ANKS1B: variants seen among roughly 807,000 people sequenced by gnomAD.
ANKS1B encodes the protein ankyrin repeat and sterile alpha motif domain-containing protein 1B.
Under a neutral mutation model 148.3 loss-of-function variants are expected in ANKS1B, and 36 were observed. The observed-to-expected ratio is 0.24, with a 90% CI of 0.19 to 0.32. The LOEUF is 0.32. Among genes scored for constraint, ANKS1B ranks in the 10% least tolerant of loss-of-function variants. ANKS1B has a pLI of 1.00. For synonymous variants in ANKS1B, 542 were observed against 560.8 expected, an observed-to-expected ratio of 0.97 and a Z score of 0.47; for missense variants, 1,157 against 1,542.6, an observed-to-expected ratio of 0.75 and a Z score of 4.19.
chr12:98,874,843 C>A lies in ANKS1B; in HGVS notation c.2779-42707G>T, dbSNP rs140139361. ...AGCTCCTTGTAATAAACTTGAACTGCAATACAGATATAAAATAAGAGATCT... is the reference window on the plus strand; with the variant it reads ...AGCTCCTTGTAATAAACTTGAACTGAAATACAGATATAAAATAAGAGATCT... On this transcript the variant is annotated intron_variant, in intron 17 of 26. Transcript: ENST00000683438. 2.0e-5 allele frequency among the ~76,000 whole-genome samples: 3 copies of A among 152,188 alleles called. No homozygotes were observed. In the East Asian group the frequency reaches 5.8e-4, roughly 29 times the overall value.
chr12:98,760,614 G>C (rs2098384036), intron 25 of ANKS1B, among the ~76,000 whole-genome samples: 1 of 152,172 alleles, frequency 6.6e-6, no homozygotes, highest in South Asian at 2.1e-4. Context: ...CTATGTGCCA[G>C]GAAGCTGCCC....
At chr12:99,188,509 T>A (rs1253007641) in intron 14 of ANKS1B, among the ~76,000 whole-genome samples, 3 of 152,158 alleles carry the variant, frequency 2.0e-5, no homozygotes, top group African/African-American at 7.2e-5. Flanking sequence ...CAGACCACAG[T>A]GCAATCAAAT....
intron 17 of ANKS1B, chr12:98,894,854 G>A (rs990603597): frequency 3.5e-5 from 34 of 980,418 alleles, no homozygotes; most frequent in African/African-American, 8.8e-5. Flanking sequence ...CGAGCGCCGG[G>A]CTCTCCCCGC....
chr12:99,183,306 A>C (rs2079361994), intron 14 of ANKS1B, among the ~76,000 whole-genome samples: 1 of 152,190 alleles, frequency 6.6e-6, no homozygotes, highest in Admixed American at 6.6e-5. Context: ...CGTTTCCCAA[A>C]GTTTTAGAAA....
intron 17 of ANKS1B, among the ~76,000 whole-genome samples, chr12:99,052,032 C>G (rs1422104757): frequency 1.3e-5 from 2 of 152,162 alleles, no homozygotes; most frequent in Non-Finnish European, 2.9e-5. Flanking sequence ...CAATCATTTA[C>G]TATAAAACTA....
chr12:99,155,282 A>G (rs2153824618), intron 14 of ANKS1B, among the ~76,000 whole-genome samples: 1 of 152,240 alleles, frequency 6.6e-6, no homozygotes, highest in Admixed American at 6.5e-5. Flanking sequence ...TTGGAGAATA[A>G]TTATTCTGTT....
chr12:99,316,884 A>G (rs1291818910), intron 12 of ANKS1B, among the ~76,000 whole-genome samples: 1 of 152,216 alleles, frequency 6.6e-6, no homozygotes, highest in Non-Finnish European at 1.5e-5. Flanking sequence ...AGCTTTCTAC[A>G]TGTGGCTAGC....
At chr12:99,078,393 T>G (rs2048530028) in intron 16 of ANKS1B, among the ~76,000 whole-genome samples, 3 of 152,212 alleles carry the variant, frequency 2.0e-5, no homozygotes, top group Admixed American at 2.0e-4. Context: ...GATTACTGAT[T>G]TGTGTATATC....
intron 8 of ANKS1B, among the ~76,000 whole-genome samples, chr12:99,702,538 G>T (rs916525942): frequency 6.6e-6 from 1 of 151,818 alleles, no homozygotes; most frequent in Admixed American, 6.6e-5. Flanking sequence ...AGAAGGTTTT[G>T]TTTGATTGCC....
At chr12:99,773,438 G>T (rs1036738623) in intron 7 of ANKS1B, among the ~76,000 whole-genome samples, 1 of 152,026 alleles carries the variant, frequency 6.6e-6, no homozygotes, top group Non-Finnish European at 1.5e-5. Context: ...TTCACTGACA[G>T]AATTCATTAG....
In ANKS1B at chr12:99,891,365, T is replaced by C. The variant is rs142531698; in HGVS notation, c.135-65976A>G. ...TTGTGTGTGTGCAGTGTGTACTATA[T>C]AGAGGTTGTTTATATCTCATTGTGA... On this transcript the variant is annotated intron_variant, in intron 1 of 26. Transcript: ENST00000683438. Among the ~76,000 whole-genome samples, 900 of 152,234 alleles carry C rather than the reference T, an allele frequency of 5.9e-3. 5 individuals are homozygous for C. Among genetic ancestry groups the C allele is most frequent in the Non-Finnish European group, 7.2e-3 (490 of 68,016 alleles).
At chr12:99,386,634 T>C (rs1255403588) in intron 12 of ANKS1B, among the ~76,000 whole-genome samples, 1 of 152,232 alleles carries the variant, frequency 6.6e-6, no homozygotes, top group Admixed American at 6.5e-5. Flanking sequence ...CATTATTAGA[T>C]ACATGGCTTT....
At chr12:98,809,241 C>G (rs2099075129) in intron 19 of ANKS1B, among the ~76,000 whole-genome samples, 2 of 152,184 alleles carry the variant, frequency 1.3e-5, no homozygotes, top group Admixed American at 1.3e-4. Context: ...CTATTTTATA[C>G]ATCCATAGAG....
At chr12:99,945,482 TG>T (rs1472879136) in intron 1 of ANKS1B, among the ~76,000 whole-genome samples, 1 of 152,160 alleles carries the variant, frequency 6.6e-6, no homozygotes, top group Non-Finnish European at 1.5e-5. Flanking sequence ...TAGTAGTAGA[TG>T]ATCCTTGAAA....
chr12:99,946,150 C>T (rs1227582078), intron 1 of ANKS1B, among the ~76,000 whole-genome samples: 2 of 151,968 alleles, frequency 1.3e-5, no homozygotes, highest in Non-Finnish European at 2.9e-5. Context: ...TTTAAAAAGA[C>T]CAGAAAGAGT....
At chr12:98,818,133 C>A (rs1041136850) in intron 19 of ANKS1B, among the ~76,000 whole-genome samples, 1 of 147,576 alleles carries the variant, frequency 6.8e-6, no homozygotes, top group African/African-American at 2.5e-5. Flanking sequence ...CCATTCCTCT[C>A]CAGTTCCCTC....
intron 22 of ANKS1B, among the ~76,000 whole-genome samples, chr12:98,797,714 T>C (rs900989501): frequency 1.3e-5 from 2 of 152,226 alleles, no homozygotes; most frequent in African/African-American, 4.8e-5. Context: ...GAAGTCTCAA[T>C]TTCATGAAGA....
intron 17 of ANKS1B, among the ~76,000 whole-genome samples, chr12:98,962,062 G>A (rs1295278444): frequency 2.0e-5 from 3 of 151,620 alleles, no homozygotes; most frequent in Non-Finnish European, 1.5e-5. Flanking sequence ...AATGGCAGGA[G>A]TAAGTCCTTA....
chr12:99,022,133 C>T (rs902346388), intron 17 of ANKS1B, among the ~76,000 whole-genome samples: 5 of 152,184 alleles, frequency 3.3e-5, no homozygotes, highest in African/African-American at 4.8e-5. Context: ...ACAGTTACAG[C>T]GTGTTTCCCC....
Sources: allele counts gnomAD v4.1 joint callset (sites outside exome capture counted in the v4.1 genomes callset), GRCh38; gene constraint gnomAD v4.1.1; transcripts MANE v1.5; gene names NCBI Gene and HGNC (gene_info 2026-07-23, HGNC 2026-07-21).